The following OR2L13 variants were observed in gnomAD, a reference collection of about 807,000 sequenced individuals.
OR2L13 encodes olfactory receptor 2L13.
OR2L13 carries 14 observed loss-of-function variants against 15.3 expected under a neutral mutation model. The observed-to-expected ratio is 0.91, with a 90% confidence interval of 0.60 to 1.43. The LOEUF is 1.43. Among genes scored for constraint, OR2L13 ranks in the 40% most tolerant of loss-of-function variants. The pLI is 0.00. For synonymous variants in OR2L13, 152 were observed against 142.9 expected (o/e 1.06, Z -0.45); for missense variants, 367 against 387.9 (o/e 0.95, Z 0.45).
chr1:248,013,809 G>A, the OR2L13 span: 1 of 152,124 alleles, frequency 6.6e-6, no homozygotes, highest in African/African-American at 2.4e-5. Flanking sequence ...AAGCGCTTAA[G>A]AGAACTTTAT....
the OR2L13 span, among the ~76,000 whole-genome samples, chr1:247,982,485 A>G: frequency 6.6e-6 from 1 of 152,252 alleles, no homozygotes; most frequent in Non-Finnish European, 1.5e-5. Context: ...GCAATGATGC[A>G]TTCTGACTTT....
chr1:248,090,033 T>TC, the OR2L13 span, among the ~76,000 whole-genome samples: 19 of 152,136 alleles, frequency 1.2e-4, no homozygotes, highest in Non-Finnish European at 2.5e-4. Flanking sequence ...TCTTCCTCCC[T>TC]CCCTTTAAAA....
chr1:248,083,689 G>T, the OR2L13 span: 1 of 1,604,038 alleles, frequency 6.2e-7, no homozygotes, highest in Non-Finnish European at 8.5e-7. Flanking sequence ...CATGTCCCCA[G>T]CCACCGTTTC....
At chr1:248,023,963 T>G in the OR2L13 span, 1 of 152,198 alleles carries the variant, frequency 6.6e-6, no homozygotes, top group Non-Finnish European at 1.5e-5. Flanking sequence ...ATAATTAAAG[T>G]GCATAAAAAC....
chr1:247,949,635 C>T, the OR2L13 span: 64 of 1,613,932 alleles, frequency 4.0e-5, no homozygotes, highest in African/African-American at 1.3e-4. Flanking sequence ...CACTTATCTA[C>T]GTCCAAGATC....
the OR2L13 span, among the ~76,000 whole-genome samples, chr1:248,047,684 C>A: frequency 6.6e-6 from 1 of 152,158 alleles, no homozygotes; most frequent in African/African-American, 2.4e-5. Context: ...GCTGCCTTAA[C>A]AACCACACAG....
At chr1:248,056,606 AT>A in the OR2L13 span, among the ~76,000 whole-genome samples, 3 of 149,624 alleles carry the variant, frequency 2.0e-5, no homozygotes, top group African/African-American at 7.4e-5. Context: ...TAATTTTATT[AT>A]TTAGACAGGA....
chr1:247,982,554 A>T, the OR2L13 span, among the ~76,000 whole-genome samples: 1 of 152,206 alleles, frequency 6.6e-6, no homozygotes, highest in Admixed American at 6.5e-5. Flanking sequence ...AATTTTAATT[A>T]TTATGCTGAA....
chr1:248,100,359 A>T, exon 3 of OR2L13: 1 of 1,176,492 alleles, frequency 8.5e-7, no homozygotes, highest in South Asian at 1.4e-5. Context: ...TTCCAAGTTG[A>T]TTCCAACACG....
At chr1:248,074,401 A>G in the OR2L13 span, among the ~76,000 whole-genome samples, 2 of 152,018 alleles carry the variant, frequency 1.3e-5, no homozygotes, top group Non-Finnish European at 2.9e-5. Context: ...AAAAAAAGTC[A>G]AATTATCTTT....
chr1:247,974,525 ATTTTTG>A, the OR2L13 span, among the ~76,000 whole-genome samples: 1 of 152,026 alleles, frequency 6.6e-6, no homozygotes, highest in Non-Finnish European at 1.5e-5. Context: ...TTTTATTTTT[ATTTTTG>A]TTAATCTCTT....
the OR2L13 span, among the ~76,000 whole-genome samples, chr1:248,002,115 A>AT: frequency 2.0e-5 from 3 of 151,596 alleles, no homozygotes; most frequent in Non-Finnish European, 4.4e-5. Context: ...TCTCTTCTAA[A>AT]TTTTTTTTTA....
At chr1:248,070,769 C>T in the OR2L13 span, among the ~76,000 whole-genome samples, 66 of 152,060 alleles carry the variant, frequency 4.3e-4, no homozygotes, top group African/African-American at 1.4e-3. Flanking sequence ...ATCAAATAGA[C>T]GCAATAAAAA....
the OR2L13 span, among the ~76,000 whole-genome samples, chr1:248,013,098 A>G: frequency 4.4e-4 from 67 of 152,046 alleles, no homozygotes; most frequent in African/African-American, 1.6e-3. Flanking sequence ...TATATATTTA[A>G]AATATGTTAA....
chr1:247,964,902 A>G, the OR2L13 span, among the ~76,000 whole-genome samples: 1 of 149,154 alleles, frequency 6.7e-6, no homozygotes, highest in East Asian at 1.9e-4. Context: ...TATAATATTC[A>G]TAAATACACA....
chr1:247,993,795 G>T, the OR2L13 span, among the ~76,000 whole-genome samples: 17 of 136,416 alleles, frequency 1.2e-4, no homozygotes, highest in South Asian at 4.2e-4. Flanking sequence ...GAGAGAGAGA[G>T]AGAGAGAGAG....
the OR2L13 span, among the ~76,000 whole-genome samples, chr1:247,982,082 T>A: frequency 0.039 from 5,877 of 152,236 alleles, 351 homozygotes; most frequent in African/African-American, 0.13. Flanking sequence ...CCCAAAGTGC[T>A]GGGATTACAA....
chr1:248,090,826 G>C (rs1664579457), upstream of OR2L13, among the ~76,000 whole-genome samples: 1 of 152,152 alleles, frequency 6.6e-6, no homozygotes. Flanking sequence ...TGGCTTGAAT[G>C]GTAGTTCAGT....
At chr1:248,003,035 A>G in the OR2L13 span, 1 of 706,500 alleles carries the variant, frequency 1.4e-6, no homozygotes, top group East Asian at 2.5e-5. Context: ...AGAACTTGTT[A>G]TTGGTCTATT....
Sources: allele counts gnomAD v4.1 joint callset (sites outside exome capture counted in the v4.1 genomes callset), GRCh38; gene constraint gnomAD v4.1.1; transcripts MANE v1.5; gene names NCBI Gene and HGNC (gene_info 2026-07-23, HGNC 2026-07-21).